IL22RA1: variants seen among roughly 807,000 people sequenced by gnomAD.
The protein encoded by IL22RA1 is interleukin 22 receptor subunit alpha 1, also known as interleukin-22 receptor subunit alpha-1.
Under a neutral mutation model 32.8 loss-of-function variants are expected in IL22RA1, and 25 were observed. That is an observed-to-expected ratio of 0.76 (90% CI 0.55 to 1.06). IL22RA1 has a LOEUF of 1.06. IL22RA1 is among the 50% of genes least tolerant of loss of function. The probability of loss-of-function intolerance (pLI) is 0.00; values close to 1 mark genes in which losing one functional copy is unlikely to be tolerated. For synonymous variants in IL22RA1, 305 were observed against 305.0 expected (o/e 1.00, Z 0.00); for missense variants, 709 against 727.4 (o/e 0.97, Z 0.29).
At chr1:24,127,367 A>G (rs534406609) in intron 5 of IL22RA1, among the ~76,000 whole-genome samples, 3 of 150,884 alleles carry the variant, frequency 2.0e-5, no homozygotes, top group South Asian at 4.2e-4. Flanking sequence ...GCTGGAGTGC[A>G]GTGGTGCAAA....
intron 1 of IL22RA1, among the ~76,000 whole-genome samples, chr1:24,140,850 G>A (rs577427630): frequency 6.6e-6 from 1 of 152,366 alleles, no homozygotes; most frequent in South Asian, 2.1e-4. Flanking sequence ...AAGGCCTTGC[G>A]GCCTGGGTGT....
intron 1 of IL22RA1, among the ~76,000 whole-genome samples, chr1:24,142,640 C>T (rs530129766): frequency 6.6e-6 from 1 of 152,234 alleles, no homozygotes; most frequent in Non-Finnish European, 1.5e-5. Flanking sequence ...CTCCTCCTCC[C>T]CTGTCAGGCC....
chr1:24,123,220 CT>C (rs1445108093), intron 6 of IL22RA1, 81 bp downstream of exon 6: 29 of 1,523,190 alleles, frequency 1.9e-5, no homozygotes, highest in Admixed American at 1.5e-4. Context: ...CTGTGGATCC[CT>C]GCATTTTGGG....
intron 3 of IL22RA1, among the ~76,000 whole-genome samples, chr1:24,136,435 G>T (rs1644242880): frequency 6.6e-6 from 1 of 152,212 alleles, no homozygotes; most frequent in Non-Finnish European, 1.5e-5. Flanking sequence ...GCCCTGTATT[G>T]CACTAGAGAA....
intron 1 of IL22RA1, among the ~76,000 whole-genome samples, chr1:24,139,453 A>G (rs569452487): frequency 2.8e-4 from 42 of 152,318 alleles, no homozygotes; most frequent in African/African-American, 9.9e-4. Context: ...TATATATCTA[A>G]GAGTGGAATT....
At chr1:24,136,876 G>C (rs1644245853) in intron 3 of IL22RA1, among the ~76,000 whole-genome samples, 1 of 152,030 alleles carries the variant, frequency 6.6e-6, no homozygotes, top group Non-Finnish European at 1.5e-5. Context: ...CTGCAGTCGG[G>C]GGTCAAGATA....
rs937324364 is a variant in IL22RA1, at chr1:24,137,296, C to A, written c.190G>T (p.Asp64Tyr). 1.2e-6 allele frequency: 2 copies of A among 1,613,972 alleles called. No homozygotes were observed. Among genetic ancestry groups the A allele is most frequent in the Admixed American group, 3.3e-5 (2 of 60,014 alleles). Residue 64 changes from aspartate (D) to tyrosine (Y), a missense_variant, in exon 3 of 7, where the codon GAC becomes TAC. Physicochemically the swap from Asp to Tyr is radical, Grantham distance 160. Coordinates refer to ENST00000270800, the MANE Select transcript of IL22RA1 (RefSeq NM_021258.4). ...TGACAGCCCTTCTTTGCCACCCAGT[C>A]CCTCTCTCCGTACCTGCAGGTCAGG... ...SIEYKTYGER[D>Y]WVAKKGCQRI...
At chr1:24,123,649 G>T (rs373626317) in intron 5 of IL22RA1, 27 of 1,042,088 alleles carry the variant, frequency 2.6e-5, no homozygotes, top group South Asian at 1.5e-4. Flanking sequence ...TAAAATGTTC[G>T]AGGTTTCCAC....
Position 24,122,827 on chromosome 1 carries a change from G to A in IL22RA1, c.792+475C>T, listed in dbSNP as rs528972021. On this transcript the variant is annotated intron_variant, in intron 6 of 6. Coordinates refer to ENST00000270800, the MANE Select transcript of IL22RA1 (RefSeq NM_021258.4). The stretch of plus-strand genomic sequence containing the variant: ...AAAAAAAAATCTGTTTAAAAAATTA[G>A]TTCTGAATATTTGAAAATTGGGAGA... Among the ~76,000 whole-genome samples the A allele has an allele frequency of 3.9e-4, 60 of 152,166 alleles. No homozygotes were observed. The South Asian group carries it at 0.012, about 31-fold the overall frequency.
chr1:24,135,686 C>G (rs183785815), intron 3 of IL22RA1, among the ~76,000 whole-genome samples: 103 of 152,270 alleles, frequency 6.8e-4, no homozygotes, highest in Non-Finnish European at 9.9e-4. Flanking sequence ...AAATGGGAGG[C>G]AAACATGTTC....
chr1:24,131,040 C>T (rs1035356414), intron 4 of IL22RA1, among the ~76,000 whole-genome samples: 2 of 152,124 alleles, frequency 1.3e-5, no homozygotes, highest in Admixed American at 1.3e-4. Flanking sequence ...AACAATGCTC[C>T]AGGAAGTGAA....
At chr1:24,134,685 C>G (rs1019496902) in intron 3 of IL22RA1, among the ~76,000 whole-genome samples, 15 of 152,144 alleles carry the variant, frequency 9.9e-5, no homozygotes, top group African/African-American at 3.6e-4. Context: ...ATCCCAGCCC[C>G]CTGCGTCCCC....
At chr1:24,127,901 G>A (rs1265661949) in intron 5 of IL22RA1, among the ~76,000 whole-genome samples, 2 of 152,124 alleles carry the variant, frequency 1.3e-5, no homozygotes, top group Non-Finnish European at 1.5e-5. Flanking sequence ...GTACACATAA[G>A]GCCTGTCAGA....
intron 5 of IL22RA1, among the ~76,000 whole-genome samples, chr1:24,127,466 C>A (rs932550545): frequency 4.6e-5 from 7 of 152,036 alleles, no homozygotes; most frequent in African/African-American, 1.7e-4. Context: ...TGCACGCCAC[C>A]ATACCTAGCT....
intron 1 of IL22RA1, among the ~76,000 whole-genome samples, chr1:24,142,069 TCTA>T (rs1644285146): frequency 6.6e-6 from 1 of 151,850 alleles, no homozygotes; most frequent in Non-Finnish European, 1.5e-5. Flanking sequence ...TGGCTGAGGG[TCTA>T]AAGGGACGTG....
At chr1:24,142,386 T>C (rs1269616584) in intron 1 of IL22RA1, among the ~76,000 whole-genome samples, 1 of 152,248 alleles carries the variant, frequency 6.6e-6, no homozygotes, top group African/African-American at 2.4e-5. Context: ...GTCTAGGGTC[T>C]CATGTAACGT....
intron 1 of IL22RA1, among the ~76,000 whole-genome samples, chr1:24,140,257 A>G (rs1644271529): frequency 6.6e-6 from 1 of 152,136 alleles, no homozygotes; most frequent in Admixed American, 6.5e-5. Context: ...AACCTACAAT[A>G]TTCATCCCAG....
At chr1:24,137,516 C>CTTTTTT (rs11428028) in intron 2 of IL22RA1, among the ~76,000 whole-genome samples, 9 of 140,034 alleles carry the variant, frequency 6.4e-5, no homozygotes, top group East Asian at 2.1e-4. Flanking sequence ...TCCTTCCTTT[C>CTTTTTT]TTTTTTTTTT....
At chr1:24,125,932 G>C (rs1644158192) in intron 5 of IL22RA1, among the ~76,000 whole-genome samples, 1 of 152,174 alleles carries the variant, frequency 6.6e-6, no homozygotes, top group African/African-American at 2.4e-5. Context: ...TAGCCACCAG[G>C]AAGTGTGATT....
Sources: allele counts gnomAD v4.1 joint callset (sites outside exome capture counted in the v4.1 genomes callset), GRCh38; gene constraint gnomAD v4.1.1; transcripts MANE v1.5; gene names NCBI Gene and HGNC (gene_info 2026-07-23, HGNC 2026-07-21).